Variants in APBA2 observed in about 807,000 individuals in gnomAD.
APBA2 encodes amyloid beta precursor protein binding family A member 2, also known as amyloid-beta A4 precursor protein-binding family A member 2.
A neutral mutation model predicts 75.0 loss-of-function variants in APBA2; 30 were observed. That is an observed-to-expected ratio of 0.40 (90% CI 0.30 to 0.54). The LOEUF (loss-of-function observed/expected upper bound fraction) is 0.54, where lower values mean the gene tolerates loss of function less well. Ranked by LOEUF, APBA2 falls within the 20% of genes least tolerant of loss-of-function variation. APBA2 has a pLI of 0.49. For synonymous variants in APBA2, 444 were observed against 409.6 expected, an observed-to-expected ratio of 1.08 and a Z score of -1.01; for missense variants, 801 against 1,016.1, an observed-to-expected ratio of 0.79 and a Z score of 2.88.
At chr15:29,095,194 G>A (rs913162481) in intron 8 of APBA2, among the ~76,000 whole-genome samples, 4 of 152,222 alleles carry the variant, frequency 2.6e-5, no homozygotes, top group African/African-American at 4.8e-5. Flanking sequence ...TTGGGAGGCC[G>A]AGGCGGGCGG....
chr15:29,115,109 A>AGCCCGGCCTACAGAGGG (rs2045010759), intron 14 of APBA2, among the ~76,000 whole-genome samples: 1 of 151,812 alleles, frequency 6.6e-6, no homozygotes, highest in Admixed American at 6.6e-5. Flanking sequence ...AGAGCTGAGG[A>AGCCCGGCCTACAGAGGG]GCCCGGCCTA....
intron 2 of APBA2, among the ~76,000 whole-genome samples, chr15:28,994,264 G>A (rs1207489041): frequency 1.3e-5 from 2 of 152,140 alleles, no homozygotes; most frequent in African/African-American, 4.8e-5. Flanking sequence ...TGGTGTGAAG[G>A]GATTTTCTGA....
intron 4 of APBA2, among the ~76,000 whole-genome samples, chr15:29,073,239 A>G (rs914879069): frequency 6.6e-6 from 1 of 152,246 alleles, no homozygotes; most frequent in Non-Finnish European, 1.5e-5. Context: ...CTCCGAGAGA[A>G]GCCAGCCCAA....
intron 10 of APBA2, 90 bp downstream of exon 10, chr15:29,101,874 G>A (rs1256112154): frequency 1.5e-6 from 2 of 1,320,744 alleles, no homozygotes; most frequent in East Asian, 2.5e-5. Flanking sequence ...CCACCCTCAG[G>A]TGGAAAGCCT....
intron 2 of APBA2, among the ~76,000 whole-genome samples, chr15:28,964,703 G>T (rs1221788416): frequency 6.6e-6 from 1 of 151,962 alleles, no homozygotes; most frequent in Admixed American, 6.6e-5. Flanking sequence ...GGCCAGGCTG[G>T]TCTTGAACTC....
Position 29,040,940 on chromosome 15 carries a change from AAAG to A in APBA2, c.-40-12904_-40-12902del, listed in dbSNP as rs1566936485. Reference sequence around the variant, plus strand: ...AGATGTTGAAATTATCAAAGACTTTAAAGTGACTGTTATAACCATGTTCCATGA... The same window carrying A: ...AGATGTTGAAATTATCAAAGACTTTATGACTGTTATAACCATGTTCCATGA... On this transcript the variant is annotated intron_variant, in intron 3 of 14. Coordinates refer to ENST00000683413, the MANE Select transcript of APBA2 (RefSeq NM_001353788.2). Among the ~76,000 whole-genome samples the A allele has an allele frequency of 4.3e-4, 66 of 152,342 alleles. 1 individual carries two copies. In the East Asian group the frequency reaches 0.013, roughly 29 times the overall value.
chr15:29,072,861 C>T (rs890045731), intron 4 of APBA2, among the ~76,000 whole-genome samples: 2 of 152,078 alleles, frequency 1.3e-5, no homozygotes, highest in Non-Finnish European at 2.9e-5. Flanking sequence ...CTGCTGGGTC[C>T]CAGCTGCACC....
At chr15:28,901,100 G>A (rs1025210634) in intron 1 of APBA2, among the ~76,000 whole-genome samples, 3 of 152,142 alleles carry the variant, frequency 2.0e-5, no homozygotes, top group East Asian at 1.9e-4. Flanking sequence ...AGGGATGTGC[G>A]TGAAGCAAGC....
chr15:29,105,007 C>T (rs746911244), intron 10 of APBA2, among the ~76,000 whole-genome samples: 3 of 151,544 alleles, frequency 2.0e-5, no homozygotes, highest in African/African-American at 4.9e-5. Context: ...GACCTCATCT[C>T]GAAAGAAAAA....
At chr15:29,023,441 C>CTTTTTTTTTTTTTTTT (rs10604525) in intron 3 of APBA2, among the ~76,000 whole-genome samples, 7 of 73,290 alleles carry the variant, frequency 9.6e-5, no homozygotes, top group Non-Finnish European at 1.2e-4. Context: ...TACCTTTTTC[C>CTTTTTTTTTTTTTTTT]TTTTTTTTTT....
intron 1 of APBA2, among the ~76,000 whole-genome samples, chr15:28,905,714 T>C (rs1877881956): frequency 6.6e-6 from 1 of 152,230 alleles, no homozygotes; most frequent in Non-Finnish European, 1.5e-5. Context: ...TTAAAAATGC[T>C]GTCTTCTAGC....
At position 29,111,896 on chromosome 15, in the gene APBA2, A is replaced by T. The variant is rs371048411; in HGVS notation, c.2038-1980A>T. 1.1e-4 allele frequency among the ~76,000 whole-genome samples: 16 copies of T among 152,076 alleles called. No individual in the cohort carries two copies. In the East Asian group the frequency reaches 2.1e-3, roughly 20 times the overall value. On this transcript the variant is annotated intron_variant, in intron 13 of 14. Transcript: ENST00000683413. ...TTCAGGAGACCCGAGGGTGCTGGCT[A>T]CTCTGGTCCAAGCCCCTCGTCCCTC...
At chr15:29,073,834 A>G (rs1478835290) in intron 4 of APBA2, among the ~76,000 whole-genome samples, 4 of 152,236 alleles carry the variant, frequency 2.6e-5, no homozygotes, top group African/African-American at 9.6e-5. Flanking sequence ...GATATAAGGA[A>G]CTAAATAGAG....
rs755500155 is a variant in APBA2, at chr15:29,053,958, A to T, written c.74A>T (p.His25Leu). The change falls in exon 4 of 15, where the codon CAC becomes CTC. Residue 25 changes from histidine (H) to leucine (L), a missense_variant. This residue lies in a region of APBA2 where 434 missense variants were observed against 471.6 expected (regional missense o/e 0.92). Coordinates refer to ENST00000683413, the MANE Select transcript of APBA2 (RefSeq NM_001353788.2). ...DHRVRPGPVP[H>L]SQEPESEDME... The stretch of plus-strand genomic sequence containing the variant: ...AGGGTGAGACCAGGTCCTGTCCCTC[A>T]CAGCCAGGAGCCCGAGAGCGAGGAC... 5.0e-6 allele frequency: 8 copies of T among 1,613,904 alleles called. No homozygotes were observed. In the East Asian group the frequency reaches 1.3e-4, roughly 27 times the overall value.
chr15:29,090,092 C>A (rs541192064), intron 6 of APBA2, among the ~76,000 whole-genome samples: 1 of 152,178 alleles, frequency 6.6e-6, no homozygotes, highest in African/African-American at 2.4e-5. Context: ...GTTCTCCTCC[C>A]GTGGTGCGTG....
Position 29,080,410 on chromosome 15 carries a change from C to T in APBA2, c.1069+4319C>T, listed in dbSNP as rs570851125. 2.0e-5 allele frequency among the ~76,000 whole-genome samples: 3 copies of T among 152,210 alleles called. No homozygotes were observed. The East Asian group carries it at 5.8e-4, about 29-fold the overall frequency. Reference sequence around the variant, plus strand: ...TGCCAGAGAGTTCAGTGGAGGGGAGCGTTCCAGATGCCAGAGCTCCTGGCC... The same window carrying T: ...TGCCAGAGAGTTCAGTGGAGGGGAGTGTTCCAGATGCCAGAGCTCCTGGCC... On this transcript the variant is annotated intron_variant, in intron 6 of 14. Transcript: ENST00000683413.
At chr15:29,032,293 A>AC (rs1160488303) in intron 3 of APBA2, among the ~76,000 whole-genome samples, 20 of 152,322 alleles carry the variant, frequency 1.3e-4, no homozygotes, top group Middle Eastern at 3.4e-3. Flanking sequence ...AACATAGTAG[A>AC]CCTTGAGTAA....
chr15:29,080,764 A>G (rs1204012705), intron 6 of APBA2, among the ~76,000 whole-genome samples: 4 of 152,182 alleles, frequency 2.6e-5, no homozygotes, highest in Non-Finnish European at 5.9e-5. Flanking sequence ...ACAGGTAAAC[A>G]CGTGCTCATT....
intron 4 of APBA2, among the ~76,000 whole-genome samples, chr15:29,060,246 C>T (rs1227965160): frequency 6.6e-6 from 1 of 152,026 alleles, no homozygotes; most frequent in African/African-American, 2.4e-5. Flanking sequence ...CTGCCAGCAC[C>T]ATGTTAGGGG....
Sources: gnomAD v4.1 joint callset for allele counts (sites outside exome capture counted in the v4.1 genomes callset) on GRCh38, gnomAD v4.1.1 for gene constraint, gnomAD v4.1.1 regional missense constraint, MANE v1.5 for transcripts, NCBI Gene and HGNC (gene_info 2026-07-23, HGNC 2026-07-21) for gene names.